SYNE1: variants seen among roughly 807,000 people sequenced by gnomAD.
The protein encoded by SYNE1 is nesprin-1.
Under a neutral mutation model 1,111.0 loss-of-function variants are expected in SYNE1, and 616 were observed. The ratio of observed to expected loss-of-function variants is 0.55; its 90% CI spans 0.52 to 0.59. The LOEUF is 0.59. Among genes scored for constraint, SYNE1 ranks in the 20% least tolerant of loss-of-function variants. The pLI, the probability that SYNE1 is intolerant of heterozygous loss-of-function variation, is 0.00. For synonymous variants in SYNE1, 3,855 were observed against 3,825.8 expected, an observed-to-expected ratio of 1.01 and a Z score of -0.28; for missense variants, 10,006 against 10,417.0, an observed-to-expected ratio of 0.96 and a Z score of 1.72.
intron 127 of SYNE1, among the ~76,000 whole-genome samples, chr6:152,198,850 A>G (rs1268800716): frequency 6.6e-6 from 1 of 152,226 alleles, no homozygotes; most frequent in Non-Finnish European, 1.5e-5. Context: ...TGTAACAAAT[A>G]TAACAGTAAA....
rs563200062 is a variant in SYNE1 at position 152,626,037 on chromosome 6, C to T, written c.67+2228G>A. The stretch of plus-strand genomic sequence containing the variant: ...CCTATTTGTGTGATAGGGTGAGAGG[C>T]TCTAGCTCTTTCCTCCATGCCACAG... On this transcript the variant is annotated intron_variant, in intron 3 of 145. Transcript: ENST00000367255. Among the ~76,000 whole-genome samples, 3 of 152,128 alleles carry T rather than the reference C, an allele frequency of 2.0e-5. No homozygotes were observed. The East Asian group carries it at 5.8e-4, about 29-fold the overall frequency.
At chr6:152,382,245 C>A (rs977048002) in intron 55 of SYNE1, among the ~76,000 whole-genome samples, 1 of 151,868 alleles carries the variant, frequency 6.6e-6, no homozygotes, top group East Asian at 1.9e-4. Flanking sequence ...AATATTATTA[C>A]AAAATTATGA....
intron 22 of SYNE1, among the ~76,000 whole-genome samples, chr6:152,458,310 A>G (rs1486809719): frequency 1.3e-5 from 2 of 152,200 alleles, no homozygotes; most frequent in Admixed American, 1.3e-4. Flanking sequence ...CTTATTTCAC[A>G]GAGACATTGT....
intron 3 of SYNE1, among the ~76,000 whole-genome samples, chr6:152,604,998 AAGAAAGAAAGAGAGAGAGAGAGAGAGAG>A (rs1370581799): frequency 1.1e-4 from 3 of 26,922 alleles, no homozygotes; most frequent in African/African-American, 4.8e-4. Context: ...GAAAGAAAGA[AAGAAAGAAAGAGAGAGAGAGAGAGAGAG>A]AGAGAGAGAG....
chr6:152,264,257 T>C (rs13195213), intron 100 of SYNE1, among the ~76,000 whole-genome samples: 1 of 139,156 alleles, frequency 7.2e-6, no homozygotes, highest in South Asian at 2.4e-4. Context: ...CAACCTAGGG[T>C]GGCTGAATTT....
At chr6:152,517,177 G>A (rs2154344858) in intron 6 of SYNE1, among the ~76,000 whole-genome samples, 1 of 152,244 alleles carries the variant, frequency 6.6e-6, no homozygotes, top group Non-Finnish European at 1.5e-5. Context: ...TAAGTTTTCT[G>A]TAAATTTGTA....
rs780146700 is a variant in SYNE1, at chr6:152,329,980, C to T, written c.14705G>A (p.Arg4902Lys). 13 of 1,614,194 alleles carry T rather than the reference C, an allele frequency of 8.1e-6. No homozygotes were observed. The highest frequency in any genetic ancestry group is 9.3e-6 in the Non-Finnish European group (11 of 1,180,032). Residue 4902 changes from arginine to lysine, a missense_variant, in exon 78 of 146, where the codon AGA (arginine) becomes AAA (lysine). By Grantham distance (26) the Arg-to-Lys change is conservative (BLOSUM62 2). Transcript: ENST00000367255. The part of the protein sequence containing the change: ...EMSRSLDWLR[R>K]VKAELSGPVY... Reference sequence around the variant, plus strand: ...CGGCCCACTGAGCTCTGCCTTCACTCTCCTCAGCCAGTCCAGGGAGCGACT... The same window carrying T: ...CGGCCCACTGAGCTCTGCCTTCACTTTCCTCAGCCAGTCCAGGGAGCGACT...
chr6:152,264,415 C>T (rs1460681460), intron 100 of SYNE1, among the ~76,000 whole-genome samples: 1 of 151,804 alleles, frequency 6.6e-6, no homozygotes, highest in Non-Finnish European at 1.5e-5. Flanking sequence ...CAGGATAATA[C>T]TCTGTGGTAC....
chr6:152,363,322 G>A (rs187877274), intron 63 of SYNE1, among the ~76,000 whole-genome samples: 2,117 of 148,754 alleles, frequency 0.014, 45 homozygotes, highest in African/African-American at 0.047. Context: ...GTGAAACCCC[G>A]TCTCTACTAA....
rs1186527694 is a variant in SYNE1, at chr6:152,387,094, T to C, written c.8465A>G (p.Asn2822Ser). The change falls in exon 54 of 146, where the codon AAT (asparagine) becomes AGT (serine). Residue 2822 changes from asparagine (N) to serine (S), a missense_variant. This residue lies in a region of SYNE1 where 4,955 missense variants were observed against 5,017.2 expected (regional missense o/e 0.99). Transcript: ENST00000367255. The part of the protein sequence containing the change: ...TAQEELKTQF[N>S]DIMTVAKEKM... ...AACCTTGGCAACAGTCATTATATCA[T>C]TAAACTGTGTTTTCAGCTCCTCTTG... is the stretch of plus-strand genomic sequence containing the variant. The C allele has an allele frequency of 6.2e-7, 1 of 1,614,068 alleles. No homozygotes were observed. The highest frequency in any genetic ancestry group is 1.1e-5 in the South Asian group (1 of 91,082).
At chr6:152,575,146 A>G (rs572671102) in intron 3 of SYNE1, among the ~76,000 whole-genome samples, 26 of 152,204 alleles carry the variant, frequency 1.7e-4, no homozygotes, top group Non-Finnish European at 2.8e-4. Context: ...CCGGTGGTAT[A>G]GGATGGTGGT....
intron 3 of SYNE1, among the ~76,000 whole-genome samples, chr6:152,613,210 C>T (rs2099636904): frequency 6.6e-6 from 1 of 152,156 alleles, no homozygotes; most frequent in Non-Finnish European, 1.5e-5. Context: ...GTCAAATTGT[C>T]CCTGTTTGCA....
chr6:152,153,071 T>C (rs1041624762), intron 133 of SYNE1, among the ~76,000 whole-genome samples: 2 of 152,226 alleles, frequency 1.3e-5, no homozygotes, highest in Admixed American at 1.3e-4. Flanking sequence ...ATTAATAAAT[T>C]GAACCGCACT....
chr6:152,149,484 C>T lies in SYNE1; in HGVS notation c.24635G>A (p.Arg8212His), dbSNP rs766462111. The change falls in exon 136 of 146, where the codon CGC becomes CAC. Residue 8212 changes from arginine (R) to histidine (H), a missense_variant. This residue lies in a region of SYNE1 where 761 missense variants were observed against 795.5 expected (regional missense o/e 0.96). Coordinates refer to ENST00000367255, the MANE Select transcript of SYNE1 (RefSeq NM_182961.4). The part of the protein sequence containing the change: ...RVERYHKKLI[R>H]LPLPDDEHDL... ...AAAATCAATGTTACATACAGGCAGGCGGATCAGTTTCTTATGGTATCTTTC... is the reference window on the plus strand; with the variant it reads ...AAAATCAATGTTACATACAGGCAGGTGGATCAGTTTCTTATGGTATCTTTC... 7.4e-5 allele frequency: 120 copies of T among 1,611,902 alleles called. No individual in the cohort carries two copies. The highest frequency in any genetic ancestry group is 2.3e-4 in the Admixed American group (14 of 59,974).
Position 152,154,445 on chromosome 6 carries a change from TACACACAC to T in SYNE1, c.24129+439_24129+446del, listed in dbSNP as rs56398921. ...TTCTAGAGTCAACTCTTTTATCAAATACACACACACACACACACACACACACACACACA... is the reference window on the plus strand; with the variant it reads ...TTCTAGAGTCAACTCTTTTATCAAATACACACACACACACACACACACACA... On this transcript the variant is annotated intron_variant, in intron 133 of 145. Coordinates refer to ENST00000367255, the MANE Select transcript of SYNE1 (RefSeq NM_182961.4). 4.2e-3 allele frequency among the ~76,000 whole-genome samples: 604 copies of T among 143,202 alleles called. 15 individuals are homozygous for T. In the South Asian group the frequency reaches 0.044, roughly 10 times the overall value. The allele number at this position is 143,202 out of a possible 152,430, so 93.9% of individuals were successfully genotyped here.
intron 44 of SYNE1, among the ~76,000 whole-genome samples, chr6:152,407,506 C>A (rs558290032): frequency 1.3e-5 from 2 of 152,214 alleles, no homozygotes; most frequent in East Asian, 3.9e-4. Flanking sequence ...TTCTACAGGA[C>A]AAAGGTCCAT....
chr6:152,289,793 A>C (rs2094498863), intron 95 of SYNE1, among the ~76,000 whole-genome samples: 1 of 151,978 alleles, frequency 6.6e-6, no homozygotes, highest in African/African-American at 2.4e-5. Context: ...TGCCTGGCTA[A>C]GTTTTTGTAT....
intron 139 of SYNE1, among the ~76,000 whole-genome samples, chr6:152,140,678 T>C (rs1255432776): frequency 6.6e-6 from 1 of 151,640 alleles, no homozygotes; most frequent in Non-Finnish European, 1.5e-5. Flanking sequence ...TTAAAAATAA[T>C]AATAATAAAT....
At chr6:152,316,275 G>A (rs567532712) in intron 87 of SYNE1, 1 of 160,794 alleles carries the variant, frequency 6.2e-6, no homozygotes, top group Admixed American at 6.0e-5. Context: ...GAGGGAGGAG[G>A]CGGGAGATCT....
Sources: allele counts gnomAD v4.1 joint callset (sites outside exome capture counted in the v4.1 genomes callset), GRCh38; gene constraint gnomAD v4.1.1; regional missense constraint gnomAD v4.1.1; transcripts MANE v1.5; gene names NCBI Gene and HGNC (gene_info 2026-07-23, HGNC 2026-07-21).